HFM1: variants seen among roughly 807,000 people sequenced by gnomAD.
HFM1 encodes helicase for meiosis 1.
Under a neutral mutation model 192.1 loss-of-function variants are expected in HFM1, and 169 were observed. The observed-to-expected ratio is 0.88, with a 90% CI of 0.78 to 1.00. The LOEUF (loss-of-function observed/expected upper bound fraction) is 1.00, where lower values mean the gene tolerates loss of function less well. Ranked by LOEUF, HFM1 falls within the 50% of genes least tolerant of loss-of-function variation. The probability of loss-of-function intolerance (pLI) is 0.00; values close to 1 mark genes in which losing one functional copy is unlikely to be tolerated. For missense variants in HFM1, 1,661 were observed against 1,668.0 expected (o/e 1.00, Z 0.07); for synonymous variants, 525 against 537.8 (o/e 0.98, Z 0.33).
chr1:91,261,325 T>C lies in HFM1; in HGVS notation c.4273A>G (p.Lys1425Glu), dbSNP rs1471809767. ...CCATCAAATATTCCCAATAAAGACT[T>C]CATTTCATCAGCTTCATCATCAGGA... is the stretch of plus-strand genomic sequence containing the variant. ...YHPDDEADEM[K>E]SLLGIFDGIF Residue 1425 changes from lysine to glutamate, a missense_variant, in exon 39 of 39, where the codon AAG becomes GAG. By Grantham distance (56) the Lys-to-Glu change is moderately conservative (BLOSUM62 1). Transcript: ENST00000370425. 3 of 1,427,068 alleles carry C rather than the reference T, an allele frequency of 2.1e-6. No homozygotes were observed. Among genetic ancestry groups the C allele is most frequent in the Non-Finnish European group, 2.8e-6 (3 of 1,079,154 alleles). The allele number at this position is 1,427,068 out of a possible 1,614,324, so 88.4% of individuals were successfully genotyped here. A position where few individuals can be genotyped will look rare whatever the true frequency, so the allele number is the denominator to read the frequency against.
chr1:91,364,490 T>C (rs1658953896), intron 13 of HFM1, among the ~76,000 whole-genome samples: 1 of 151,184 alleles, frequency 6.6e-6, no homozygotes, highest in South Asian at 2.1e-4. Context: ...TGCACTCCCA[T>C]GTTCCTTGCA....
chr1:91,299,916 T>G (rs999377021), intron 30 of HFM1, among the ~76,000 whole-genome samples: 25 of 151,380 alleles, frequency 1.7e-4, no homozygotes, highest in Admixed American at 3.3e-4. Flanking sequence ...CTAGCAGAAG[T>G]CAAGAAATAA....
chr1:91,375,350 T>C lies in HFM1; in HGVS notation c.1685+8A>G. 1 of 1,598,140 alleles carries C rather than the reference T, an allele frequency of 6.3e-7. No individual in the cohort carries two copies. The highest frequency in any genetic ancestry group is 1.1e-5 in the South Asian group (1 of 90,228). The stretch of plus-strand genomic sequence containing the variant: ...CTTCTACTTCCATGAAAAAATAAAA[T>C]ACTATACCTCTGTTTCTGTTCCACA... On this transcript the variant is annotated splice_region_variant and intron_variant, in intron 13 of 38. Coordinates refer to ENST00000370425, the MANE Select transcript of HFM1 (RefSeq NM_001017975.6).
chr1:91,295,395 G>A (rs1647375219), intron 30 of HFM1, among the ~76,000 whole-genome samples: 1 of 152,098 alleles, frequency 6.6e-6, no homozygotes, highest in Non-Finnish European at 1.5e-5. Context: ...ATCTCCTGAG[G>A]TTCCTCTCCT....
chr1:91,370,375 C>T (rs1272110117), intron 13 of HFM1, among the ~76,000 whole-genome samples: 2 of 152,124 alleles, frequency 1.3e-5, no homozygotes, highest in Non-Finnish European at 2.9e-5. Flanking sequence ...AGCAGCACAT[C>T]AAAAAGCTTG....
chr1:91,354,517 A>C (rs12125586), intron 13 of HFM1, among the ~76,000 whole-genome samples: 15,737 of 152,108 alleles, frequency 0.1, 912 homozygotes, highest in Middle Eastern at 0.17. Context: ...GTTCAAACCC[A>C]AAAAGGTCCT....
rs542595859 is a variant in HFM1, at chr1:91,373,667, G to A, written c.1685+1691C>T. On this transcript the variant is annotated intron_variant, in intron 13 of 38. Transcript: ENST00000370425. The stretch of plus-strand genomic sequence containing the variant: ...ATGGTACCCCCCGACCCCTACTCCT[G>A]CTCTCACCATGTGATACACCAACTC... Among the ~76,000 whole-genome samples, 7 of 151,810 alleles carry A rather than the reference G, an allele frequency of 4.6e-5. No individual in the cohort carries two copies. The East Asian group carries it at 9.7e-4, about 21-fold the overall frequency.
intron 20 of HFM1, among the ~76,000 whole-genome samples, chr1:91,338,554 T>C (rs1654906432): frequency 6.6e-6 from 1 of 152,172 alleles, no homozygotes; most frequent in Non-Finnish European, 1.5e-5. Flanking sequence ...CCTGCCGATG[T>C]GCACCCACCA....
At chr1:91,367,150 C>T (rs573969594) in intron 13 of HFM1, among the ~76,000 whole-genome samples, 3,053 of 152,266 alleles carry the variant, frequency 0.02, 46 homozygotes, top group Non-Finnish European at 0.029. Context: ...TCAAGGAGGG[C>T]TCCCTGCCTC....
At chr1:91,393,983 T>C (rs990950256) in intron 4 of HFM1, 110 bp downstream of exon 4, 11 of 584,596 alleles carry the variant, frequency 1.9e-5, no homozygotes, top group African/African-American at 3.8e-5. Flanking sequence ...ATTTAGGAGA[T>C]AGAATTTTGC....
At chr1:91,344,308 A>T (rs1655811536) in intron 19 of HFM1, among the ~76,000 whole-genome samples, 1 of 152,198 alleles carries the variant, frequency 6.6e-6, no homozygotes, top group African/African-American at 2.4e-5. Flanking sequence ...GCCACTCAAA[A>T]AAACACCCTT....
intron 20 of HFM1, among the ~76,000 whole-genome samples, chr1:91,340,194 G>A (rs144872920): frequency 1.4e-4 from 21 of 152,144 alleles, no homozygotes; most frequent in Non-Finnish European, 2.5e-4. Context: ...ATTTTTTGTA[G>A]AGACAAGGTG....
At chr1:91,363,489 T>G (rs541470113) in intron 13 of HFM1, among the ~76,000 whole-genome samples, 67 of 149,806 alleles carry the variant, frequency 4.5e-4, no homozygotes, top group African/African-American at 1.6e-3. Flanking sequence ...TGAGATACCA[T>G]CTCATGTCAG....
At chr1:91,316,252 G>A (rs1287488631) in intron 26 of HFM1, 68 bp from the exon 27 acceptor site, 4 of 1,089,284 alleles carry the variant, frequency 3.7e-6, no homozygotes, top group Non-Finnish European at 5.3e-6. Context: ...ATATTTTTTA[G>A]AATAAATAGC....
intron 20 of HFM1, among the ~76,000 whole-genome samples, chr1:91,325,700 G>A (rs1652797297): frequency 6.6e-6 from 1 of 152,082 alleles, no homozygotes; most frequent in Non-Finnish European, 1.5e-5. Context: ...CCTAGCTGCT[G>A]AATGCTCAGA....
chr1:91,367,690 A>C (rs1157772840), intron 13 of HFM1, among the ~76,000 whole-genome samples: 4 of 152,226 alleles, frequency 2.6e-5, no homozygotes, highest in African/African-American at 4.8e-5. Context: ...TCTAAAAATC[A>C]GAGTGCCTAT....
chr1:91,330,112 T>A (rs573262757), intron 20 of HFM1, among the ~76,000 whole-genome samples: 77 of 152,144 alleles, frequency 5.1e-4, no homozygotes, highest in Non-Finnish European at 9.0e-4. Flanking sequence ...GCTATGTAAT[T>A]TGTGTCTAGT....
rs1293460898 is a variant in HFM1, at chr1:91,378,391, T to C, written c.1236+12A>G. Reference sequence around the variant, plus strand: ...TTTTATGTTTATCTCTGAAAGCGAATGCATTCATTACCTCATCAATGAGAA... The same window carrying C: ...TTTTATGTTTATCTCTGAAAGCGAACGCATTCATTACCTCATCAATGAGAA... On this transcript the variant is annotated intron_variant, in intron 10 of 38. Coordinates refer to ENST00000370425, the MANE Select transcript of HFM1 (RefSeq NM_001017975.6). 22 of 1,554,866 alleles carry C rather than the reference T, an allele frequency of 1.4e-5. No individual in the cohort carries two copies. In the South Asian group the frequency reaches 2.5e-4, roughly 18 times the overall value.
chr1:91,353,188 T>A, intron 14 of HFM1, 36 bp from the exon 15 acceptor site: 1 of 1,559,566 alleles, frequency 6.4e-7, no homozygotes, highest in Non-Finnish European at 8.8e-7. Context: ...ACTATTAATA[T>A]TTCATCAATA....
Sources: gnomAD v4.1 joint callset for allele counts (sites outside exome capture counted in the v4.1 genomes callset) on GRCh38, gnomAD v4.1.1 for gene constraint, MANE v1.5 for transcripts, NCBI Gene and HGNC (gene_info 2026-07-23, HGNC 2026-07-21) for gene names.